MED13L: variants seen among roughly 807,000 people sequenced by gnomAD.
MED13L encodes the protein mediator complex subunit 13L.
Under a neutral mutation model 220.9 loss-of-function variants are expected in MED13L, and 7 were observed. The observed-to-expected ratio is 0.03, with a 90% CI of 0.02 to 0.06. The LOEUF is 0.06. MED13L is among the 10% of genes least tolerant of loss of function. MED13L has a pLI of 1.00. For missense variants in MED13L, 1,965 were observed against 2,760.5 expected (o/e 0.71, Z 6.46); for synonymous variants, 1,011 against 1,015.2 (o/e 1.00, Z 0.08).
At chr12:116,269,759 G>A (rs772223485) in intron 1 of MED13L, among the ~76,000 whole-genome samples, 4 of 152,220 alleles carry the variant, frequency 2.6e-5, no homozygotes, top group Admixed American at 1.3e-4. Context: ...AAGGCTCTGC[G>A]CTATTTCAAA....
intron 4 of MED13L, among the ~76,000 whole-genome samples, chr12:116,036,642 C>A (rs1194824278): frequency 6.6e-6 from 1 of 152,136 alleles, no homozygotes; most frequent in Non-Finnish European, 1.5e-5. Context: ...GTGGTATGAA[C>A]TTATCTATTA....
At chr12:116,053,643 G>A (rs1042089234) in intron 4 of MED13L, among the ~76,000 whole-genome samples, 3 of 152,134 alleles carry the variant, frequency 2.0e-5, no homozygotes, top group Non-Finnish European at 2.9e-5. Flanking sequence ...GGGAGGAAGG[G>A]GAGGGAGCTA....
intron 3 of MED13L, among the ~76,000 whole-genome samples, chr12:116,098,865 A>G (rs1172752256): frequency 6.6e-6 from 1 of 152,230 alleles, no homozygotes; most frequent in African/African-American, 2.4e-5. Flanking sequence ...GGAAGTATTC[A>G]AGAAGCAAAA....
At chr12:116,240,702 A>G (rs1210720779) in intron 1 of MED13L, among the ~76,000 whole-genome samples, 2 of 150,696 alleles carry the variant, frequency 1.3e-5, no homozygotes, top group African/African-American at 4.9e-5. Flanking sequence ...GCGCCCGGCT[A>G]ATTTTTTGTA....
chr12:116,214,022 C>T (rs1882859880), intron 2 of MED13L, among the ~76,000 whole-genome samples: 1 of 152,184 alleles, frequency 6.6e-6, no homozygotes, highest in Non-Finnish European at 1.5e-5. Flanking sequence ...TGTGAAGTAT[C>T]TTTAAAAGTA....
At chr12:116,161,844 C>T (rs1878877587) in intron 2 of MED13L, among the ~76,000 whole-genome samples, 1 of 152,154 alleles carries the variant, frequency 6.6e-6, no homozygotes. Flanking sequence ...AACCACTCCC[C>T]TCATCAAGCT....
intron 2 of MED13L, among the ~76,000 whole-genome samples, chr12:116,172,583 T>C (rs763552118): frequency 2.0e-5 from 3 of 152,212 alleles, no homozygotes; most frequent in Non-Finnish European, 2.9e-5. Context: ...GCTAACAGCA[T>C]GTACCTCCAG....
At chr12:116,004,307 C>G (rs1490007073) in intron 13 of MED13L, among the ~76,000 whole-genome samples, 2 of 152,104 alleles carry the variant, frequency 1.3e-5, no homozygotes, top group Non-Finnish European at 2.9e-5. Flanking sequence ...AGTGGATAGT[C>G]AAATTCAATG....
chr12:116,104,295 C>T (rs1399866333), intron 3 of MED13L, among the ~76,000 whole-genome samples: 1 of 152,100 alleles, frequency 6.6e-6, no homozygotes, highest in Non-Finnish European at 1.5e-5. Context: ...CAGGTGTGAG[C>T]CATGTGTCCG....
chr12:116,240,496 A>C lies in MED13L; in HGVS notation c.73-2791T>G, dbSNP rs187010658. Among the ~76,000 whole-genome samples the C allele has an allele frequency of 6.6e-5, 10 of 152,170 alleles. 1 individual carries two copies. Reference sequence around the variant, plus strand: ...ATCAAAGAAGGAAACAAAAATAAAAAGAAGTTGAAATCCAAAAAGGTAAGC... The same window carrying C: ...ATCAAAGAAGGAAACAAAAATAAAACGAAGTTGAAATCCAAAAAGGTAAGC... On this transcript the variant is annotated intron_variant, in intron 1 of 30. Coordinates refer to ENST00000281928, the MANE Select transcript of MED13L (RefSeq NM_015335.5).
chr12:115,974,032 G>C (rs766560358), intron 25 of MED13L, among the ~76,000 whole-genome samples: 7 of 150,828 alleles, frequency 4.6e-5, no homozygotes, highest in Non-Finnish European at 8.9e-5. Context: ...TACCTGATGT[G>C]AATTTCCTAT....
At position 115,960,262 on chromosome 12, in the gene MED13L, TGAGAG is replaced by T. The variant is rs1448436677; in HGVS notation, c.*999_*1003del. 3 of 152,658 alleles carry T rather than the reference TGAGAG, an allele frequency of 2.0e-5. No homozygotes were observed. Among genetic ancestry groups the T allele is most frequent in the Non-Finnish European group, 2.9e-5 (2 of 68,044 alleles). 9.5% of individuals were successfully genotyped at this position (152,658 alleles called of 1,614,324 possible). On this transcript the variant is annotated 3_prime_UTR_variant, in exon 31 of 31. Coordinates refer to ENST00000281928, the MANE Select transcript of MED13L (RefSeq NM_015335.5). ...TGTACATAAGTCCCTTTTGATCTAA[TGAGAG>T]GAGAGACCTGGCTTCCAATAAGAAT...
At chr12:116,049,952 G>A (rs1045055406) in intron 4 of MED13L, among the ~76,000 whole-genome samples, 6 of 152,224 alleles carry the variant, frequency 3.9e-5, no homozygotes, top group East Asian at 3.9e-4. Context: ...ACAAAAACAC[G>A]TATGTACTAC....
intron 4 of MED13L, among the ~76,000 whole-genome samples, chr12:116,056,285 G>GT (rs71095506): frequency 0.3 from 44,702 of 149,066 alleles, 8,240 homozygotes; most frequent in Non-Finnish European, 0.41. Context: ...TTTTTTGTTT[G>GT]TTTTTTTTTT....
chr12:116,276,308 TTGTGTGTGTGTGTG>T lies in MED13L; in HGVS notation c.72+738_72+751del, dbSNP rs372521434. On this transcript the variant is annotated intron_variant, in intron 1 of 30. Transcript: ENST00000281928. ...TATCAAACCGACCAGCTTGTTGCTT[TTGTGTGTGTGTGTG>T]TGTGTGTGTGTGTGTGTGTGTGTGT... is the stretch of plus-strand genomic sequence containing the variant. The T allele has an allele frequency of 1.5e-3, 343 of 224,894 alleles. 1 individual carries two copies. Among genetic ancestry groups the T allele is most frequent in the African/African-American group, 6.4e-3 (255 of 40,010 alleles). 13.9% of individuals were successfully genotyped at this position (224,894 alleles called of 1,614,324 possible). A position where few individuals can be genotyped will look rare whatever the true frequency, so the allele number is the denominator to read the frequency against.
rs192827086 is a variant in MED13L, at chr12:116,029,535, A to G, written c.480-6934T>C. On this transcript the variant is annotated intron_variant, in intron 4 of 30. Transcript: ENST00000281928. The stretch of plus-strand genomic sequence containing the variant: ...CAAAAGGCATGCAAAGTAAAATTAC[A>G]CCAAAAGTTAAAAAAATGTAGAAAA... 3.2e-3 allele frequency among the ~76,000 whole-genome samples: 489 copies of G among 152,286 alleles called. 5 individuals carry two copies. Among genetic ancestry groups the G allele is most frequent in the Non-Finnish European group, 5.4e-3 (366 of 68,024 alleles).
intron 1 of MED13L, among the ~76,000 whole-genome samples, chr12:116,259,635 T>C (rs1188061503): frequency 1.3e-5 from 2 of 152,216 alleles, no homozygotes; most frequent in Non-Finnish European, 2.9e-5. Flanking sequence ...GTGTTCATTG[T>C]ACCATGAATC....
intron 7 of MED13L, among the ~76,000 whole-genome samples, chr12:116,018,152 C>T (rs374105644): frequency 9.9e-5 from 15 of 152,110 alleles, no homozygotes; most frequent in African/African-American, 3.1e-4. Context: ...TACAACAACA[C>T]GGTAAAGTAT....
At chr12:116,135,953 G>A (rs571186611) in intron 2 of MED13L, among the ~76,000 whole-genome samples, 57 of 151,298 alleles carry the variant, frequency 3.8e-4, no homozygotes, top group Non-Finnish European at 8.0e-4. Flanking sequence ...GCCCAGGCTG[G>A]AGTGCAGTGG....
Sources: gnomAD v4.1 joint callset for allele counts (sites outside exome capture counted in the v4.1 genomes callset) on GRCh38, gnomAD v4.1.1 for gene constraint, MANE v1.5 for transcripts, NCBI Gene and HGNC (gene_info 2026-07-23, HGNC 2026-07-21) for gene names.